Variants in DLG5 observed in about 807,000 individuals in gnomAD.
DLG5 encodes the protein discs large MAGUK scaffold protein 5, also known as disks large homolog 5.
Under a neutral mutation model 189.8 loss-of-function variants are expected in DLG5, and 48 were observed. That is an observed-to-expected ratio of 0.25 (90% CI 0.20 to 0.32). DLG5 has a LOEUF of 0.32. DLG5 is among the 10% of genes least tolerant of loss of function. The pLI, the probability that DLG5 is intolerant of heterozygous loss-of-function variation, is 1.00. For synonymous variants in DLG5, 1,016 were observed against 1,054.1 expected (o/e 0.96, Z 0.70); for missense variants, 2,160 against 2,544.7 (o/e 0.85, Z 3.25).
At position 77,869,202 on chromosome 10, in the gene DLG5, G is replaced by T; in HGVS notation, c.305-5C>A. The T allele has an allele frequency of 6.2e-7, 1 of 1,613,486 alleles. No homozygotes were observed. The highest frequency in any genetic ancestry group is 2.2e-5 in the East Asian group (1 of 44,824). ...ACAGGACGCTGTAGGTAGAACCTGG[G>T]GAAAGAGGGGAGACCATGTTACTAA... On this transcript the variant is annotated splice_region_variant and splice_polypyrimidine_tract_variant and intron_variant, in intron 1 of 31. Transcript: ENST00000372391.
chr10:77,902,832 T>G (rs901402405), intron 1 of DLG5, among the ~76,000 whole-genome samples: 1 of 151,068 alleles, frequency 6.6e-6, no homozygotes, highest in Non-Finnish European at 1.5e-5. Flanking sequence ...TGCACTCCAG[T>G]CTGGGCGACA....
At chr10:77,843,752 C>T (rs779834135) in intron 5 of DLG5, 46 bp from the exon 6 acceptor site, 16 of 1,608,840 alleles carry the variant, frequency 9.9e-6, no homozygotes, top group East Asian at 4.5e-5. Context: ...TGGGAGGTGG[C>T]GGAGGAGACC....
chr10:77,817,709 A>T, intron 18 of DLG5, 68 bp downstream of exon 18: 1 of 1,395,638 alleles, frequency 7.2e-7, no homozygotes, highest in Non-Finnish European at 9.9e-7. Context: ...AGATCTGGAC[A>T]TTAGGATGCA....
chr10:77,830,148 C>T, intron 11 of DLG5, 69 bp downstream of exon 11: 4 of 1,597,518 alleles, frequency 2.5e-6, no homozygotes, highest in Non-Finnish European at 3.4e-6. Context: ...CTACCTGGCT[C>T]TCTTCGGGTC....
At chr10:77,861,600 GCCAAGCACTGC>G (rs1426483741) in intron 2 of DLG5, among the ~76,000 whole-genome samples, 1 of 152,210 alleles carries the variant, frequency 6.6e-6, no homozygotes, top group Non-Finnish European at 1.5e-5. Context: ...AACGACATGT[GCCAAGCACTGC>G]CCAAGCACTG....
intron 20 of DLG5, among the ~76,000 whole-genome samples, chr10:77,814,831 T>A (rs1210065109): frequency 6.6e-6 from 1 of 152,184 alleles, no homozygotes; most frequent in East Asian, 1.9e-4. Context: ...TGCCTCGGCC[T>A]CCTTACAGGT....
At chr10:77,843,995 G>C (rs1843559357) in intron 5 of DLG5, among the ~76,000 whole-genome samples, 1 of 152,176 alleles carries the variant, frequency 6.6e-6, no homozygotes, top group African/African-American at 2.4e-5. Context: ...TGCTTGCAAG[G>C]TTGACCCTAC....
intron 16 of DLG5, 83 bp from the exon 17 acceptor site, chr10:77,819,548 G>C: frequency 6.7e-7 from 1 of 1,493,962 alleles, no homozygotes; most frequent in Non-Finnish European, 8.9e-7. Flanking sequence ...CTGTATCCCA[G>C]GACGCAGCCG....
intron 1 of DLG5, among the ~76,000 whole-genome samples, chr10:77,878,362 C>T (rs1845170051): frequency 6.6e-6 from 1 of 152,178 alleles, no homozygotes; most frequent in Non-Finnish European, 1.5e-5. Flanking sequence ...AGAGGGAAAG[C>T]CCTTAGAACA....
chr10:77,812,431 A>G lies in DLG5; in HGVS notation c.4026-54T>C. 8.9e-6 allele frequency: 14 copies of G among 1,580,486 alleles called. No homozygotes were observed. In the South Asian group the frequency reaches 1.5e-4, roughly 17 times the overall value. On this transcript the variant is annotated intron_variant, in intron 20 of 31. Coordinates refer to ENST00000372391, the MANE Select transcript of DLG5 (RefSeq NM_004747.4). ...TCAGGGTCAAACAAAAGGGTTGGGGAGAGCCTGAGCTCTCTGATCAGGCAT... is the reference window on the plus strand; with the variant it reads ...TCAGGGTCAAACAAAAGGGTTGGGGGGAGCCTGAGCTCTCTGATCAGGCAT...
At position 77,816,591 on chromosome 10, in the gene DLG5, C is replaced by A. The variant is rs140810720; in HGVS notation, c.3985G>T (p.Ala1329Ser). 9.9e-6 allele frequency: 16 copies of A among 1,614,180 alleles called. No individual in the cohort carries two copies. Among genetic ancestry groups the A allele is most frequent in the South Asian group, 3.3e-5 (3 of 91,080 alleles). ...TCCCCGAGGGACGCGGGGTTGACAG[C>A]GATTCTGGGCAATGTGGAGGCTGAG... ...QTSASTLPRI[A>S]VNPASLGERR... Residue 1329 changes from alanine to serine, a missense_variant, in exon 20 of 32, where the codon GCT becomes TCT. Ala to Ser is a moderately conservative substitution (Grantham distance 99, BLOSUM62 1). Around this residue, in one of 5 missense-constraint regions of DLG5, gnomAD observed 754 missense variants for 746.5 expected, o/e 1.01. Transcript: ENST00000372391.
Position 77,792,404 on chromosome 10 carries a change from G to A in DLG5, c.*36C>T. On this transcript the variant is annotated 3_prime_UTR_variant, in exon 32 of 32. Transcript: ENST00000372391. ...AGAGCTGAGTCTGGTGTCCCCTCAG[G>A]CGGCCAGCTGCAGTCATCCACAGCA... 1.3e-6 allele frequency: 2 copies of A among 1,594,000 alleles called. No individual in the cohort carries two copies. Among genetic ancestry groups the A allele is most frequent in the Non-Finnish European group, 1.7e-6 (2 of 1,161,744 alleles).
chr10:77,877,966 G>A (rs1845157307), intron 1 of DLG5, among the ~76,000 whole-genome samples: 1 of 152,240 alleles, frequency 6.6e-6, no homozygotes, highest in Non-Finnish European at 1.5e-5. Context: ...TTATGCTCCA[G>A]CCGGACATCC....
intron 18 of DLG5, 69 bp from the exon 19 acceptor site, chr10:77,817,165 C>G: frequency 2.2e-6 from 3 of 1,370,122 alleles, no homozygotes; most frequent in Admixed American, 3.4e-5. Context: ...TCCTCTCCAC[C>G]AGGCTACCAG....
At position 77,821,701 on chromosome 10, in the gene DLG5, A is replaced by G. The variant is rs751836272; in HGVS notation, c.2783T>C (p.Val928Ala). The change falls in exon 15 of 32, where the codon GTT becomes GCT. Residue 928 changes from valine to alanine, a missense_variant. Val to Ala is a moderately conservative substitution (Grantham distance 64). Transcript: ENST00000372391. ...PFETEVGPCG[V>A]GEASLDKADS... ...TGCCTTGTCCAGGGAGGCCTCCCCA[A>G]CCCCACAGGGGCCCACCTCGGTCTC... 78 of 1,611,740 alleles carry G rather than the reference A, an allele frequency of 4.8e-5. No homozygotes were observed. The highest frequency in any genetic ancestry group is 6.1e-5 in the Non-Finnish European group (72 of 1,179,568).
chr10:77,902,316 G>A (rs551481325), intron 1 of DLG5, among the ~76,000 whole-genome samples: 2 of 152,308 alleles, frequency 1.3e-5, no homozygotes, highest in African/African-American at 4.8e-5. Context: ...AACCCCAAGC[G>A]TGAACCCAGG....
rs369896427 is a variant in DLG5, at chr10:77,823,546, T to C, written c.2382+838A>G. 4.3e-4 allele frequency among the ~76,000 whole-genome samples: 50 copies of C among 117,618 alleles called. No individual in the cohort carries two copies. The East Asian group carries it at 0.012, about 27-fold the overall frequency. The allele number at this position is 117,618 out of a possible 152,430, so 77.2% of individuals were successfully genotyped here. Reference sequence around the variant, plus strand: ...CTTCCCTTCCTTTTTTTTTTTTTTTTTGAGACAGAGGTTCGCTCTTATTGC... The same window carrying C: ...CTTCCCTTCCTTTTTTTTTTTTTTTCTGAGACAGAGGTTCGCTCTTATTGC... On this transcript the variant is annotated intron_variant, in intron 14 of 31. Coordinates refer to ENST00000372391, the MANE Select transcript of DLG5 (RefSeq NM_004747.4).
intron 5 of DLG5, among the ~76,000 whole-genome samples, chr10:77,844,901 G>A (rs1432430701): frequency 6.6e-6 from 1 of 152,034 alleles, no homozygotes; most frequent in Non-Finnish European, 1.5e-5. Flanking sequence ...CAGAGGCAGG[G>A]CCTGCAGGCG....
chr10:77,891,419 G>A (rs894461253), intron 1 of DLG5, among the ~76,000 whole-genome samples: 5 of 152,160 alleles, frequency 3.3e-5, no homozygotes, highest in African/African-American at 9.7e-5. Flanking sequence ...GTTTATCTCT[G>A]CATCTCACAG....
Sources: allele counts gnomAD v4.1 joint callset (sites outside exome capture counted in the v4.1 genomes callset), GRCh38; gene constraint gnomAD v4.1.1; regional missense constraint gnomAD v4.1.1; transcripts MANE v1.5; gene names NCBI Gene and HGNC (gene_info 2026-07-23, HGNC 2026-07-21).